PCSK6: variants seen among roughly 807,000 people sequenced by gnomAD.
The protein encoded by PCSK6 is paired basic amino acid cleaving enzyme 4.
A neutral mutation model predicts 123.3 loss-of-function variants in PCSK6; 85 were observed. The observed-to-expected ratio is 0.69, with a 90% CI of 0.58 to 0.83. The LOEUF is 0.83. Among genes scored for constraint, PCSK6 ranks in the 40% least tolerant of loss-of-function variants. The pLI is 0.00. For synonymous variants in PCSK6, 508 were observed against 516.0 expected (o/e 0.98, Z 0.21); for missense variants, 1,191 against 1,282.3 (o/e 0.93, Z 1.09).
At chr15:101,311,442 C>G (rs577319203) in intron 20 of PCSK6, among the ~76,000 whole-genome samples, 1 of 151,926 alleles carries the variant, frequency 6.6e-6, no homozygotes, top group African/African-American at 2.4e-5. Context: ...CCCTCTCTTG[C>G]TCCTGCTATT....
chr15:101,421,401 C>T (rs2056080895), intron 6 of PCSK6, among the ~76,000 whole-genome samples: 1 of 152,168 alleles, frequency 6.6e-6, no homozygotes, highest in Non-Finnish European at 1.5e-5. Flanking sequence ...AAAGGTGCGA[C>T]CAAATTTCTT....
Position 101,342,044 on chromosome 15 carries a change from T to C in PCSK6, c.1859-10013A>G, listed in dbSNP as rs531717911. On this transcript the variant is annotated intron_variant, in intron 13 of 21. Coordinates refer to ENST00000611716, the MANE Select transcript of PCSK6 (RefSeq NM_002570.5). ...ACTTGGGAGGCTGAAGCAGGAGAAT[T>C]GCTTGAACCTGGGAGGTGGAGGTTG... is the stretch of plus-strand genomic sequence containing the variant. 8.0e-4 allele frequency among the ~76,000 whole-genome samples: 116 copies of C among 145,398 alleles called. 1 individual carries two copies. In the East Asian group the frequency reaches 0.016, roughly 20 times the overall value.
At position 101,326,742 on chromosome 15, in the gene PCSK6, G is replaced by T. The variant is rs570515701; in HGVS notation, c.2078-263C>A. The stretch of plus-strand genomic sequence containing the variant: ...AGAAGGAGTGAAACATCCAGGGTGG[G>T]TACGCCACCCGGAGCAGGGAGGAGA... On this transcript the variant is annotated intron_variant, in intron 15 of 21. Coordinates refer to ENST00000611716, the MANE Select transcript of PCSK6 (RefSeq NM_002570.5). 3.9e-3 allele frequency among the ~76,000 whole-genome samples: 597 copies of T among 152,368 alleles called. 5 individuals are homozygous for T. Among genetic ancestry groups the T allele is most frequent in the African/African-American group, 0.014 (578 of 41,582 alleles).
rs1230422771 is a variant in PCSK6, at chr15:101,304,876, G to A, written c.*382C>T. ...GGCCGGGGAGATTTACTACACAGCC[G>A]CAGAAAAGCACGGGGAGAAGAGTGA... On this transcript the variant is annotated 3_prime_UTR_variant, in exon 22 of 22. Transcript: ENST00000611716. The A allele has an allele frequency of 4.4e-5, 8 of 182,664 alleles. No homozygotes were observed. Among genetic ancestry groups the A allele is most frequent in the South Asian group, 2.6e-4 (2 of 7,606 alleles). 11.3% of individuals were successfully genotyped at this position (182,664 alleles called of 1,614,324 possible).
chr15:101,456,919 G>A (rs1417220486), intron 1 of PCSK6, among the ~76,000 whole-genome samples: 1 of 152,150 alleles, frequency 6.6e-6, no homozygotes, highest in Non-Finnish European at 1.5e-5. Flanking sequence ...GCTCATGCCT[G>A]TAATCCCAGC....
intron 1 of PCSK6, among the ~76,000 whole-genome samples, chr15:101,451,308 G>GCCCACT (rs1354955301): frequency 6.6e-6 from 1 of 151,330 alleles, no homozygotes; most frequent in African/African-American, 2.4e-5. Flanking sequence ...AGGTCCACCC[G>GCCCACT]CCCACTCAGC....
At chr15:101,483,974 C>CT (rs1292237673) in intron 1 of PCSK6, among the ~76,000 whole-genome samples, 2 of 152,026 alleles carry the variant, frequency 1.3e-5, no homozygotes, top group African/African-American at 4.8e-5. Context: ...TCTCCCTTTT[C>CT]TTTTTTCTCT....
intron 17 of PCSK6, 117 bp from the exon 18 acceptor site, chr15:101,322,724 C>G (rs2040156703): frequency 1.5e-6 from 1 of 675,414 alleles, no homozygotes; most frequent in Non-Finnish European, 2.7e-6. Context: ...TTCCCCGAGT[C>G]CACCTCCGGA....
At chr15:101,448,856 A>C (rs1247770054) in intron 1 of PCSK6, among the ~76,000 whole-genome samples, 1 of 152,228 alleles carries the variant, frequency 6.6e-6, no homozygotes, top group Non-Finnish European at 1.5e-5. Context: ...GCATGTGTGC[A>C]CTTTCCTTCA....
Position 101,431,190 on chromosome 15 carries a change from A to T in PCSK6, c.657+130T>A, listed in dbSNP as rs80059057. On this transcript the variant is annotated intron_variant, in intron 4 of 21. Transcript: ENST00000611716. ...ATTCATCTTCCTAATTCTTTCCAGC[A>T]TAGTTTTCTTTACTGCCTAACTTAA... is the stretch of plus-strand genomic sequence containing the variant. The T allele has an allele frequency of 2.8e-3, 2,556 of 907,360 alleles. 37 individuals carry two copies. In the African/African-American group the frequency reaches 0.036, roughly 13 times the overall value. 56.2% of individuals were successfully genotyped at this position (907,360 alleles called of 1,614,324 possible). A position where few individuals can be genotyped will look rare whatever the true frequency, so the allele number is the denominator to read the frequency against.
At chr15:101,488,536 C>T (rs2141287174) in intron 1 of PCSK6, among the ~76,000 whole-genome samples, 1 of 152,254 alleles carries the variant, frequency 6.6e-6, no homozygotes, top group African/African-American at 2.4e-5. Flanking sequence ...AGGGTCAGGC[C>T]CCGGTCCAGG....
chr15:101,381,573 A>G (rs777799489), intron 11 of PCSK6, among the ~76,000 whole-genome samples: 3 of 152,202 alleles, frequency 2.0e-5, no homozygotes, highest in Non-Finnish European at 4.4e-5. Context: ...TGCTCTGTGA[A>G]TAATAAGCAG....
At chr15:101,403,428 T>TAA (rs67170668) in intron 6 of PCSK6, among the ~76,000 whole-genome samples, 8 of 145,098 alleles carry the variant, frequency 5.5e-5, no homozygotes, top group South Asian at 4.3e-4. Flanking sequence ...TAATAATAAT[T>TAA]AAAAAAAAAG....
intron 18 of PCSK6, among the ~76,000 whole-genome samples, chr15:101,320,123 T>C (rs1437101513): frequency 1.3e-5 from 2 of 152,174 alleles, no homozygotes; most frequent in Non-Finnish European, 2.9e-5. Context: ...TCTCATTCTG[T>C]CACCCAGGTG....
Position 101,322,545 on chromosome 15 carries a change from A to G in PCSK6, c.2440T>C (p.Cys814Arg), listed in dbSNP as rs765357371. Residue 814 changes from cysteine (C) to arginine (R), a missense_variant, in exon 18 of 22, where the codon TGT becomes CGT. Physicochemically the swap from Cys to Arg is radical, Grantham distance 180 (BLOSUM62 -3). Transcript: ENST00000611716. The stretch of plus-strand genomic sequence containing the variant: ...CTGAATCCTTCTTTACAGACAGTAC[A>G]TTTCTCAGGTTCATCCACGCACTTT... The part of the protein sequence containing the change: ...CKKCVDEPEK[C>R]TVCKEGFSLA... The G allele has an allele frequency of 3.1e-6, 5 of 1,613,670 alleles. No individual in the cohort carries two copies. The highest frequency in any genetic ancestry group is 4.2e-6 in the Non-Finnish European group (5 of 1,179,668).
intron 1 of PCSK6, among the ~76,000 whole-genome samples, chr15:101,465,916 G>C (rs1319590370): frequency 6.6e-6 from 1 of 152,090 alleles, no homozygotes; most frequent in African/African-American, 2.4e-5. Context: ...AGTGGGGTTG[G>C]GGAGGGGCAG....
chr15:101,442,972 T>C (rs941691071), intron 2 of PCSK6, among the ~76,000 whole-genome samples: 1 of 152,228 alleles, frequency 6.6e-6, no homozygotes, highest in Non-Finnish European at 1.5e-5. Flanking sequence ...GAGGCTCACT[T>C]GGCCATCTTA....
chr15:101,431,588 C>A, intron 3 of PCSK6, 125 bp from the exon 4 acceptor site: 1 of 1,148,276 alleles, frequency 8.7e-7, no homozygotes, highest in South Asian at 1.3e-5. Context: ...ACACCTATCC[C>A]TGCCTTACAT....
At chr15:101,366,478 C>G (rs1208987588) in intron 12 of PCSK6, 146 bp from the exon 13 acceptor site, 1 of 674,360 alleles carries the variant, frequency 1.5e-6, no homozygotes, top group Non-Finnish European at 2.4e-6. Flanking sequence ...CCCAGCCAAC[C>G]CGAGGGCAAA....
Sources: gnomAD v4.1 joint callset for allele counts (sites outside exome capture counted in the v4.1 genomes callset) on GRCh38, gnomAD v4.1.1 for gene constraint, MANE v1.5 for transcripts, NCBI Gene and HGNC (gene_info 2026-07-23, HGNC 2026-07-21) for gene names.